The following TNRC6C variants were observed in gnomAD, a reference collection of about 807,000 sequenced individuals.
TNRC6C encodes the protein trinucleotide repeat-containing gene 6C protein.
A neutral mutation model predicts 153.7 loss-of-function variants in TNRC6C; 20 were observed. The ratio of observed to expected loss-of-function variants is 0.13; its 90% CI spans 0.09 to 0.19. The LOEUF (loss-of-function observed/expected upper bound fraction) is 0.19. Among genes scored for constraint, TNRC6C ranks in the 10% least tolerant of loss-of-function variants. TNRC6C has a pLI of 1.00. For missense variants in TNRC6C, 1,987 were observed against 2,172.0 expected, an observed-to-expected ratio of 0.91 and a Z score of 1.69; for synonymous variants, 811 against 841.4, an observed-to-expected ratio of 0.96 and a Z score of 0.63.
chr17:78,070,518 T>C (rs1343903028), intron 5 of TNRC6C, among the ~76,000 whole-genome samples: 1 of 152,064 alleles, frequency 6.6e-6, no homozygotes, highest in African/African-American at 2.4e-5. Flanking sequence ...CCACTGCTCT[T>C]TCTGTAGCTG....
chr17:78,052,019 TAGAA>T (rs1248215368), intron 3 of TNRC6C, among the ~76,000 whole-genome samples: 1 of 152,096 alleles, frequency 6.6e-6, no homozygotes, highest in Non-Finnish European at 1.5e-5. Flanking sequence ...TCAGAGCTGT[TAGAA>T]AGGAACAAGT....
intron 2 of TNRC6C, among the ~76,000 whole-genome samples, chr17:78,045,936 G>C (rs958122426): frequency 1.3e-5 from 2 of 151,606 alleles, no homozygotes; most frequent in African/African-American, 4.8e-5. Context: ...AAATGTTATA[G>C]GTATCATCCT....
chr17:78,072,369 T>C (rs950367090), intron 6 of TNRC6C, among the ~76,000 whole-genome samples: 2 of 152,242 alleles, frequency 1.3e-5, no homozygotes, highest in African/African-American at 4.8e-5. Context: ...TTGTTGATGG[T>C]GGAGCCTAGA....
Position 78,075,204 on chromosome 17 carries a change from G to T in TNRC6C, c.2986G>T (p.Ala996Ser), listed in dbSNP as rs745987513. ...GGGAGTGACCGACCATAATGGAATG[G>T]CCGCCAAGCCCCTCGGCTGCCGCCC... The change falls in exon 8 of 20, where the codon GCC becomes TCC. Residue 996 changes from alanine to serine, a missense_variant. By Grantham distance (99) the Ala-to-Ser change is moderately conservative. Coordinates refer to ENST00000301624, the Ensembl canonical transcript of TNRC6C. This position sits in a 1 kb window ranked among gnomAD's most constrained non-coding sequence, Gnocchi z 4.2. 8.1e-6 allele frequency: 13 copies of T among 1,602,096 alleles called. No individual in the cohort carries two copies. Among genetic ancestry groups the T allele is most frequent in the Non-Finnish European group, 1.1e-5 (13 of 1,174,760 alleles).
At chr17:78,030,400 G>A (rs924298038) in intron 1 of TNRC6C, among the ~76,000 whole-genome samples, 1 of 151,944 alleles carries the variant, frequency 6.6e-6, no homozygotes, top group African/African-American at 2.4e-5. Context: ...TTGACCTCAG[G>A]TGATCCGCCC....
chr17:78,058,334 G>A (rs915826321), intron 3 of TNRC6C, among the ~76,000 whole-genome samples: 1 of 152,086 alleles, frequency 6.6e-6, no homozygotes, highest in African/African-American at 2.4e-5. Context: ...TGATTACCTC[G>A]CATACTCAGA....
chr17:78,056,620 C>A (rs8076133), intron 3 of TNRC6C, among the ~76,000 whole-genome samples: 1 of 151,926 alleles, frequency 6.6e-6, no homozygotes, highest in Non-Finnish European at 1.5e-5. Context: ...CCCGCCACCA[C>A]GCTCGGCTAA....
chr17:77,997,573 A>G (rs1204958654), intron 1 of TNRC6C, among the ~76,000 whole-genome samples: 2 of 152,160 alleles, frequency 1.3e-5, no homozygotes, highest in African/African-American at 2.4e-5. Context: ...TCATCAGGCC[A>G]GGAATCAGGG....
intron 2 of TNRC6C, among the ~76,000 whole-genome samples, chr17:78,033,521 T>G (rs1373494275): frequency 6.6e-6 from 1 of 151,916 alleles, no homozygotes; most frequent in Non-Finnish European, 1.5e-5. Context: ...AATACAAAAT[T>G]AGCTGGGCAT....
rs749892622 is a variant in TNRC6C at position 77,974,058 on chromosome 17, AG to A, written c.-38+14796del. On this transcript the variant is annotated intron_variant, in intron 1 of 22. Coordinates refer to the TNRC6C transcript ENST00000636222. ...TGGAGAGAGGGAGGGAGGGAGGGGG[AG>A]GGGGGAGAGAGAGAGAGAGAAAGAA... Among the ~76,000 whole-genome samples the A allele has an allele frequency of 7.5e-5, 6 of 80,198 alleles. No individual in the cohort carries two copies. In the Admixed American group the frequency reaches 8.1e-4, roughly 11 times the overall value. 52.6% of individuals were successfully genotyped at this position (80,198 alleles called of 152,430 possible). A position where few individuals can be genotyped will look rare whatever the true frequency, so the allele number is the denominator to read the frequency against.
chr17:77,983,293 T>G (rs2071107777), intron 1 of TNRC6C, among the ~76,000 whole-genome samples: 1 of 152,126 alleles, frequency 6.6e-6, no homozygotes, highest in Non-Finnish European at 1.5e-5. Context: ...TCCATTGAAT[T>G]GAAAGATGAG....
intron 1 of TNRC6C, among the ~76,000 whole-genome samples, chr17:77,960,177 C>T (rs1291875113): frequency 6.6e-6 from 1 of 152,174 alleles, no homozygotes; most frequent in Non-Finnish European, 1.5e-5. Flanking sequence ...TTGCCTCCGC[C>T]AAATGAAACC....
At chr17:78,087,520 C>T (rs2073318326) in intron 13 of TNRC6C, among the ~76,000 whole-genome samples, 1 of 152,070 alleles carries the variant, frequency 6.6e-6, no homozygotes, top group African/African-American at 2.4e-5. Flanking sequence ...AAGGTAGTAC[C>T]AGTCAGAGCC....
chr17:78,075,067 T>C lies in TNRC6C; in HGVS notation c.2918-69T>C. The C allele has an allele frequency of 6.4e-7, 1 of 1,567,348 alleles. No homozygotes were observed. Among genetic ancestry groups the C allele is most frequent in the East Asian group, 2.3e-5 (1 of 43,250 alleles). On this transcript the variant is annotated intron_variant, in intron 7 of 19. Coordinates refer to ENST00000301624, the Ensembl canonical transcript of TNRC6C. This position sits in a 1 kb window ranked among gnomAD's most constrained non-coding sequence, Gnocchi z 4.2. ...CTCCATCCCTCCTTGAGGCCTTAGC[T>C]GGTGCCTATCTTGTGCTCAGCACTC...
chr17:78,044,559 G>A (rs1234783625), intron 2 of TNRC6C, among the ~76,000 whole-genome samples: 1 of 152,170 alleles, frequency 6.6e-6, no homozygotes, highest in East Asian at 1.9e-4. Context: ...CTTGTTTATG[G>A]CTGTGTCCCC....
At chr17:77,960,348 C>T (rs1406625026) in intron 1 of TNRC6C, among the ~76,000 whole-genome samples, 1 of 152,062 alleles carries the variant, frequency 6.6e-6, no homozygotes, top group African/African-American at 2.4e-5. Flanking sequence ...CGGTTTTTCT[C>T]GAGTGTCTGG....
intron 2 of TNRC6C, among the ~76,000 whole-genome samples, chr17:78,035,796 A>G (rs2072166771): frequency 6.6e-6 from 1 of 152,156 alleles, no homozygotes; most frequent in Non-Finnish European, 1.5e-5. Context: ...ATCCAGGTGA[A>G]ATTCTATTGG....
chr17:77,984,686 G>A (rs559039365), intron 1 of TNRC6C, among the ~76,000 whole-genome samples: 2 of 152,264 alleles, frequency 1.3e-5, no homozygotes, highest in African/African-American at 2.4e-5. Context: ...CTGCCTCCCA[G>A]TAGGGCCCTC....
intron 1 of TNRC6C, among the ~76,000 whole-genome samples, chr17:77,968,257 C>T (rs1276005942): frequency 6.6e-6 from 1 of 151,150 alleles, no homozygotes; most frequent in Non-Finnish European, 1.5e-5. Flanking sequence ...TGGTCTCAAA[C>T]TCCTGACCTC....
Sources: gnomAD v4.1 joint callset for allele counts (sites outside exome capture counted in the v4.1 genomes callset) on GRCh38, gnomAD v4.1.1 for gene constraint, Gnocchi (gnomAD v3.1) non-coding constraint, MANE v1.5 for transcripts, NCBI Gene and HGNC (gene_info 2026-07-23, HGNC 2026-07-21) for gene names.